APBA1: variants seen among roughly 807,000 people sequenced by gnomAD.
APBA1 encodes amyloid-beta A4 precursor protein-binding family A member 1.
A neutral mutation model predicts 86.6 loss-of-function variants in APBA1; 55 were observed. The ratio of observed to expected loss-of-function variants is 0.64; its 90% confidence interval spans 0.51 to 0.80. The LOEUF is 0.80. Ranked by LOEUF, APBA1 falls within the 30% of genes least tolerant of loss-of-function variation. The pLI is 0.00. For synonymous variants in APBA1, 511 were observed against 493.9 expected, an observed-to-expected ratio of 1.03 and a Z score of -0.46; for missense variants, 1,090 against 1,183.0, an observed-to-expected ratio of 0.92 and a Z score of 1.15.
chr9:69,445,802 C>T (rs145750965), intron 10 of APBA1, among the ~76,000 whole-genome samples: 1 of 152,246 alleles, frequency 6.6e-6, no homozygotes, highest in African/African-American at 2.4e-5. Context: ...AATAGTCAAC[C>T]AGTATTGAAG....
chr9:69,434,482 G>A (rs1267690297), intron 11 of APBA1, among the ~76,000 whole-genome samples: 1 of 152,120 alleles, frequency 6.6e-6, no homozygotes, highest in Non-Finnish European at 1.5e-5. Flanking sequence ...GCAGAGGCAG[G>A]TGGATCACAA....
At chr9:69,473,188 C>T (rs1249652005) in intron 3 of APBA1, among the ~76,000 whole-genome samples, 2 of 152,148 alleles carry the variant, frequency 1.3e-5, no homozygotes, top group East Asian at 3.9e-4. Flanking sequence ...GGAAAGAGAA[C>T]TCCAGTTTCA....
At chr9:69,644,004 C>T (rs947308050) in intron 1 of APBA1, among the ~76,000 whole-genome samples, 10 of 152,228 alleles carry the variant, frequency 6.6e-5, no homozygotes, top group African/African-American at 2.4e-4. Context: ...GGCTTGTTCC[C>T]TCACTTCATC....
At chr9:69,443,958 A>C (rs918175640) in intron 10 of APBA1, among the ~76,000 whole-genome samples, 3 of 152,140 alleles carry the variant, frequency 2.0e-5, no homozygotes, top group African/African-American at 7.2e-5. Flanking sequence ...CTACGTGGCA[A>C]GAGTTTTTCG....
intron 1 of APBA1, among the ~76,000 whole-genome samples, chr9:69,631,534 G>A (rs561796021): frequency 2.9e-4 from 44 of 152,310 alleles, no homozygotes; most frequent in Non-Finnish European, 5.6e-4. Flanking sequence ...AATACCATTT[G>A]ACCCAGCCAT....
At chr9:69,652,125 C>A (rs575119603) in intron 1 of APBA1, among the ~76,000 whole-genome samples, 2 of 152,198 alleles carry the variant, frequency 1.3e-5, no homozygotes, top group Non-Finnish European at 2.9e-5. Context: ...GAAACCAGAC[C>A]TGCTAACACC....
At chr9:69,659,592 C>G (rs1040265687) in intron 1 of APBA1, among the ~76,000 whole-genome samples, 3 of 152,276 alleles carry the variant, frequency 2.0e-5, no homozygotes, top group South Asian at 4.1e-4. Flanking sequence ...CCAGTAAGTA[C>G]CATGTTGTGT....
chr9:69,462,040 A>G (rs1042294170), intron 5 of APBA1: 2 of 152,236 alleles, frequency 1.3e-5, no homozygotes, highest in Non-Finnish European at 2.9e-5. Flanking sequence ...GATCTTTGGG[A>G]CAGGCTAGTT....
At chr9:69,504,219 T>C (rs1020865014) in intron 2 of APBA1, among the ~76,000 whole-genome samples, 6 of 152,218 alleles carry the variant, frequency 3.9e-5, no homozygotes, top group African/African-American at 1.4e-4. Flanking sequence ...TTATTCTAGA[T>C]AGGTACCCAG....
chr9:69,442,693 C>T (rs138841938), intron 10 of APBA1, among the ~76,000 whole-genome samples: 133 of 152,334 alleles, frequency 8.7e-4, no homozygotes, highest in African/African-American at 2.8e-3. Context: ...GAAAAGCATG[C>T]ATGAAGGGTG....
intron 1 of APBA1, among the ~76,000 whole-genome samples, chr9:69,536,341 G>C (rs940245931): frequency 6.6e-6 from 1 of 151,862 alleles, no homozygotes; most frequent in African/African-American, 2.4e-5. Flanking sequence ...AGGGAGAATG[G>C]TGTAATGATT....
chr9:69,474,486 T>A (rs933248176), intron 3 of APBA1: 1 of 152,262 alleles, frequency 6.6e-6, no homozygotes. Context: ...ACATTGTCAA[T>A]GCTCAAGAAA....
chr9:69,517,155 C>T lies in APBA1; in HGVS notation c.56G>A (p.Gly19Glu), dbSNP rs780334944. ...GGCCTCCACCGACTCGTTCACCTCC[C>T]CACCTGCCGCCTCGTCGGTCACCTC... ...EVEVTDEAAGGEVNESVEADL... is the reference protein window; with the variant it reads ...EVEVTDEAAGEEVNESVEADL... The change falls in exon 2 of 13, where the codon GGG becomes GAG. Residue 19 changes from glycine (G) to glutamate (E), a missense_variant. This residue lies in a region of APBA1 where 678 missense variants were observed against 647.1 expected (regional missense o/e 1.05). Transcript: ENST00000265381. 1.9e-6 allele frequency: 3 copies of T among 1,560,540 alleles called. No individual in the cohort carries two copies. The highest frequency in any genetic ancestry group is 1.4e-5 in the African/African-American group (1 of 73,056).
At chr9:69,587,321 A>G (rs1449123392) in intron 1 of APBA1, among the ~76,000 whole-genome samples, 1 of 152,206 alleles carries the variant, frequency 6.6e-6, no homozygotes, top group Non-Finnish European at 1.5e-5. Context: ...GGCTTCCAGG[A>G]AAGAGCCTCA....
intron 11 of APBA1, among the ~76,000 whole-genome samples, chr9:69,432,985 G>A (rs144445914): frequency 2.0e-5 from 3 of 152,252 alleles, no homozygotes; most frequent in Non-Finnish European, 4.4e-5. Flanking sequence ...TCGCAGAGTC[G>A]CCAGTGTTTC....
At position 69,552,803 on chromosome 9, in the gene APBA1, G is replaced by C. The variant is rs968529328; in HGVS notation, c.-69-35524C>G. Among the ~76,000 whole-genome samples, 3 of 151,958 alleles carry C rather than the reference G, an allele frequency of 2.0e-5. No homozygotes were observed. In the East Asian group the frequency reaches 5.8e-4, roughly 29 times the overall value. ...GTCGCTTCAATTTTACAGAAATGGA[G>C]TTTATAAAATGTAAACCCTAGAGAG... On this transcript the variant is annotated intron_variant, in intron 1 of 12. Coordinates refer to ENST00000265381, the MANE Select transcript of APBA1 (RefSeq NM_001163.4).
Position 69,577,777 on chromosome 9 carries a change from A to G in APBA1, c.-69-60498T>C, listed in dbSNP as rs540127386. Reference sequence around the variant, plus strand: ...GCCACTTAAAATCATCTGGCTAACCAGTCTGAGAAAACCTTTTTTTAAGAG... The same window carrying G: ...GCCACTTAAAATCATCTGGCTAACCGGTCTGAGAAAACCTTTTTTTAAGAG... On this transcript the variant is annotated intron_variant, in intron 1 of 12. Coordinates refer to ENST00000265381, the MANE Select transcript of APBA1 (RefSeq NM_001163.4). Among the ~76,000 whole-genome samples, 23 of 152,274 alleles carry G rather than the reference A, an allele frequency of 1.5e-4. No individual in the cohort carries two copies. In the East Asian group the frequency reaches 2.3e-3, roughly 15 times the overall value.
At chr9:69,670,728 A>C (rs1352089472) in intron 1 of APBA1, among the ~76,000 whole-genome samples, 2 of 152,086 alleles carry the variant, frequency 1.3e-5, no homozygotes, top group African/African-American at 4.8e-5. Flanking sequence ...CCTTGTTCCC[A>C]CTGGGTGAGT....
chr9:69,517,384 C>T (rs1836185461), intron 1 of APBA1, 105 bp from the exon 2 acceptor site: 1 of 1,158,490 alleles, frequency 8.6e-7, no homozygotes, highest in East Asian at 3.1e-5. Flanking sequence ...CCTTTTAGTT[C>T]TGGGTCAATT....
Sources: gnomAD v4.1 joint callset for allele counts (sites outside exome capture counted in the v4.1 genomes callset) on GRCh38, gnomAD v4.1.1 for gene constraint, gnomAD v4.1.1 regional missense constraint, MANE v1.5 for transcripts, NCBI Gene and HGNC (gene_info 2026-07-23, HGNC 2026-07-21) for gene names.